The following VPS54 variants were observed in gnomAD, a reference collection of about 807,000 sequenced individuals.
VPS54 encodes the protein vacuolar protein sorting-associated protein 54.
Under a neutral mutation model 121.5 loss-of-function variants are expected in VPS54, and 45 were observed. The observed-to-expected ratio is 0.37, with a 90% confidence interval of 0.29 to 0.47. The LOEUF is 0.47. Among genes scored for constraint, VPS54 ranks in the 20% least tolerant of loss-of-function variants. The pLI is 0.99. For synonymous variants in VPS54, 371 were observed against 385.8 expected (o/e 0.96, Z 0.45); for missense variants, 1,090 against 1,131.4 (o/e 0.96, Z 0.52).
At chr2:63,938,050 GGTGTGTGTGGT>G (rs1250205841) in intron 11 of VPS54, among the ~76,000 whole-genome samples, 1 of 134,110 alleles carries the variant, frequency 7.5e-6, no homozygotes, top group African/African-American at 2.9e-5. Context: ...GTGTGTGTGT[GGTGTGTGTGGT>G]GTGTGTGTGT....
At chr2:63,917,724 A>G (rs1673448416) in intron 15 of VPS54, among the ~76,000 whole-genome samples, 1 of 152,002 alleles carries the variant, frequency 6.6e-6, no homozygotes, top group South Asian at 2.1e-4. Flanking sequence ...GAGGTTAAGG[A>G]CTGTGTCTTC....
chr2:63,909,729 T>G (rs1046785883), intron 20 of VPS54, among the ~76,000 whole-genome samples: 7 of 145,822 alleles, frequency 4.8e-5, no homozygotes, highest in East Asian at 2.0e-4. Context: ...TTTTTGGTTT[T>G]TTTTTTTTTT....
intron 12 of VPS54, among the ~76,000 whole-genome samples, chr2:63,926,727 C>T (rs1673923432): frequency 6.6e-6 from 1 of 152,232 alleles, no homozygotes; most frequent in Admixed American, 6.5e-5. Flanking sequence ...ATTTCCCTTT[C>T]CTAGCCAAGG....
intron 15 of VPS54, among the ~76,000 whole-genome samples, chr2:63,919,176 A>G (rs1012040424): frequency 6.6e-6 from 1 of 152,026 alleles, no homozygotes; most frequent in African/African-American, 2.4e-5. Flanking sequence ...GGGTACAAAA[A>G]TATTTCCCAG....
chr2:63,953,600 G>A (rs373788965), intron 7 of VPS54, among the ~76,000 whole-genome samples: 7 of 152,086 alleles, frequency 4.6e-5, no homozygotes, highest in Non-Finnish European at 8.8e-5. Context: ...ATGCTGTAGC[G>A]CATGTACAAT....
chr2:63,912,296 A>T, intron 20 of VPS54, 49 bp downstream of exon 20: 1 of 1,450,056 alleles, frequency 6.9e-7, no homozygotes, highest in Non-Finnish European at 9.4e-7. Flanking sequence ...ATAAAATAGA[A>T]AATCATAATG....
chr2:63,909,283 G>A (rs945991442), intron 20 of VPS54, among the ~76,000 whole-genome samples: 1 of 152,022 alleles, frequency 6.6e-6, no homozygotes, highest in South Asian at 2.1e-4. Flanking sequence ...GAACAAAACA[G>A]TTTATATTAA....
At chr2:63,999,531 T>TC (rs58566437) in intron 1 of VPS54, among the ~76,000 whole-genome samples, 117,670 of 152,038 alleles carry the variant, frequency 0.77, 46,950 homozygotes, top group African/African-American at 0.89. Context: ...TTTATCCTTG[T>TC]CTTTGGGAAT....
intron 1 of VPS54, among the ~76,000 whole-genome samples, chr2:64,015,156 T>A (rs921025921): frequency 6.6e-6 from 1 of 151,970 alleles, no homozygotes. Flanking sequence ...AAAAAAGATA[T>A]GACTATATTC....
intron 20 of VPS54, among the ~76,000 whole-genome samples, chr2:63,901,553 G>T (rs1201408047): frequency 6.6e-6 from 1 of 152,228 alleles, no homozygotes; most frequent in Non-Finnish European, 1.5e-5. Context: ...TCCACTCCCA[G>T]TAGCACAGGT....
intron 11 of VPS54, among the ~76,000 whole-genome samples, chr2:63,940,202 C>A (rs900920484): frequency 2.0e-5 from 3 of 152,078 alleles, no homozygotes; most frequent in African/African-American, 7.2e-5. Flanking sequence ...CATCTGGGTT[C>A]TTTCCAATTT....
intron 7 of VPS54, among the ~76,000 whole-genome samples, chr2:63,950,136 T>C (rs940810510): frequency 1.3e-5 from 2 of 152,256 alleles, no homozygotes; most frequent in Admixed American, 6.5e-5. Flanking sequence ...CCACAATCTC[T>C]TTCATGATTT....
intron 7 of VPS54, among the ~76,000 whole-genome samples, chr2:63,950,954 A>T (rs942768875): frequency 1.6e-4 from 24 of 152,108 alleles, no homozygotes; most frequent in African/African-American, 5.3e-4. Context: ...AAACCTCTAA[A>T]ATTATCAAAC....
intron 20 of VPS54, among the ~76,000 whole-genome samples, chr2:63,905,241 G>A (rs1164547542): frequency 2.0e-5 from 3 of 151,982 alleles, no homozygotes; most frequent in South Asian, 4.1e-4. Flanking sequence ...AAAAAGAGCA[G>A]GAAATATTTA....
chr2:63,894,647 G>A (rs1034717243), intron 22 of VPS54, among the ~76,000 whole-genome samples: 2 of 151,080 alleles, frequency 1.3e-5, no homozygotes, highest in Admixed American at 6.6e-5. Context: ...AGGCTGCAGT[G>A]AGCCATGATC....
chr2:63,914,129 A>G, intron 17 of VPS54, 53 bp downstream of exon 17: 1 of 1,344,530 alleles, frequency 7.4e-7, no homozygotes, highest in South Asian at 1.2e-5. Flanking sequence ...GTCACACCCT[A>G]ATGTATTAAT....
intron 21 of VPS54, among the ~76,000 whole-genome samples, chr2:63,898,067 A>C (rs1402055918): frequency 6.6e-6 from 1 of 152,250 alleles, no homozygotes; most frequent in Admixed American, 6.5e-5. Context: ...ATTTTGTGAA[A>C]TAACATTTTC....
intron 11 of VPS54, among the ~76,000 whole-genome samples, chr2:63,942,052 T>C (rs1016169114): frequency 7.1e-6 from 1 of 141,208 alleles, no homozygotes; most frequent in African/African-American, 2.7e-5. Flanking sequence ...AAAAAAAAAG[T>C]AAATTAGCAA....
intron 5 of VPS54, 30 bp from the exon 6 acceptor site, chr2:63,965,996 G>C: frequency 6.3e-7 from 1 of 1,593,028 alleles, no homozygotes; most frequent in Non-Finnish European, 8.5e-7. Context: ...CCCTCAATTA[G>C]ATAAGTATTT....
Sources: allele counts gnomAD v4.1 joint callset (sites outside exome capture counted in the v4.1 genomes callset), GRCh38; gene constraint gnomAD v4.1.1; transcripts MANE v1.5; gene names NCBI Gene and HGNC (gene_info 2026-07-23, HGNC 2026-07-21).